CTC1: variants seen among roughly 807,000 people sequenced by gnomAD.
CTC1 encodes the protein CST complex subunit CTC1.
CTC1 carries 91 observed loss-of-function variants against 136.3 expected under a neutral mutation model. The observed-to-expected ratio is 0.67, with a 90% CI of 0.56 to 0.79. The LOEUF is 0.79. Among genes scored for constraint, CTC1 ranks in the 30% least tolerant of loss-of-function variants. The probability of loss-of-function intolerance (pLI) is 0.00; values close to 1 mark genes in which losing one functional copy is unlikely to be tolerated. For missense variants in CTC1, 1,432 were observed against 1,498.1 expected, an observed-to-expected ratio of 0.96 and a Z score of 0.73; for synonymous variants, 606 against 613.8, an observed-to-expected ratio of 0.99 and a Z score of 0.19.
chr17:8,245,560 G>A lies in CTC1; in HGVS notation c.34-2412C>T, dbSNP rs542238819. On this transcript the variant is annotated intron_variant, in intron 1 of 22. Coordinates refer to ENST00000651323, the MANE Select transcript of CTC1 (RefSeq NM_025099.6). ...TTTGCTTGGTGCACTGAATACGACTGTCTCTCAAAGTGATCCCATGGCTTC... is the reference window on the plus strand; with the variant it reads ...TTTGCTTGGTGCACTGAATACGACTATCTCTCAAAGTGATCCCATGGCTTC... Among the ~76,000 whole-genome samples the A allele has an allele frequency of 5.3e-4, 81 of 152,104 alleles. 1 individual carries two copies. Among genetic ancestry groups the A allele is most frequent in the African/African-American group, 1.8e-3 (76 of 41,490 alleles).
rs1410565854 is a variant in CTC1 at position 8,226,579 on chromosome 17, T to G, written c.*1601A>C. 2 of 151,662 alleles carry G rather than the reference T, an allele frequency of 1.3e-5. No individual in the cohort carries two copies. The highest frequency in any genetic ancestry group is 2.4e-5 in the African/African-American group (1 of 41,214). The allele number at this position is 151,662 out of a possible 1,614,324, so 9.4% of individuals were successfully genotyped here. On this transcript the variant is annotated 3_prime_UTR_variant, in exon 23 of 23. Transcript: ENST00000651323. ...TGGATCATCCCATCCTGGAGAGAAATATGGTCAGTATGCTGAAGAAAAAAA... is the reference window on the plus strand; with the variant it reads ...TGGATCATCCCATCCTGGAGAGAAAGATGGTCAGTATGCTGAAGAAAAAAA...
intron 4 of CTC1, 146 bp from the exon 5 acceptor site, chr17:8,237,665 CAAAAAAAAAAAAAAAAAAAAA>C (rs71159568): frequency 1.7e-3 from 102 of 58,308 alleles, no homozygotes; most frequent in Admixed American, 1.3e-3. Flanking sequence ...AACTACGTCT[CAAAAAAAAAAAAAAAAAAAAA>C]AAAAAAAAAA....
rs531418260 is a variant in CTC1 at position 8,229,876 on chromosome 17, G to C, written c.3011+15C>G. 1.2e-6 allele frequency: 2 copies of C among 1,611,234 alleles called. No individual in the cohort carries two copies. The highest frequency in any genetic ancestry group is 2.2e-5 in the East Asian group (1 of 44,860). ...TGAAGCCAGGAAGTTTAGGGGTTGG[G>C]GTCTGGGCACTGACCTGATGGTGGT... On this transcript the variant is annotated intron_variant, in intron 18 of 22. Transcript: ENST00000651323.
rs1480736168 is a variant in CTC1, at chr17:8,236,186, C to G, written c.949G>C (p.Glu317Gln). 25 of 1,614,090 alleles carry G rather than the reference C, an allele frequency of 1.5e-5. No homozygotes were observed. Among genetic ancestry groups the G allele is most frequent in the Middle Eastern group, 1.6e-4 (1 of 6,084 alleles). ...GGTCCTTCCAGCTCCAGTTCCAGCTCCTGCACACATTCTGGTTTCAGCAGC... is the reference window on the plus strand; with the variant it reads ...GGTCCTTCCAGCTCCAGTTCCAGCTGCTGCACACATTCTGGTTTCAGCAGC... ...LLLLKPECVQ[E>Q]LELELEGPLL... is the part of the protein sequence containing the mutation. Residue 317 changes from glutamate to glutamine, a missense_variant, in exon 6 of 23, where the codon GAG (glutamate) becomes CAG (glutamine). Coordinates refer to ENST00000651323, the MANE Select transcript of CTC1 (RefSeq NM_025099.6).
Position 8,238,201 on chromosome 17 carries a change from C to G in CTC1, c.477G>C (p.Leu159=). 6.2e-7 allele frequency: 1 copy of G among 1,611,902 alleles called. No individual in the cohort carries two copies. The highest frequency in any genetic ancestry group is 1.1e-5 in the South Asian group (1 of 90,972). ...GAGGGAGGTAACTCCAACGGGGGAA[C>G]AGAAAAAGATGGCCCAACCAAGAAA... ...LDLSWLGHLF[L]FPRWSYLPPA... is the part of the protein sequence containing the mutation. The change falls in exon 4 of 23, where the codon CTG becomes CTC. Residue 159 remains leucine, a synonymous_variant. Coordinates refer to ENST00000651323, the MANE Select transcript of CTC1 (RefSeq NM_025099.6).
chr17:8,238,993 G>A (rs1225872426), intron 2 of CTC1, among the ~76,000 whole-genome samples: 1 of 150,806 alleles, frequency 6.6e-6, no homozygotes, highest in East Asian at 2.0e-4. Flanking sequence ...TTGGGATGCT[G>A]AGGCAGAAGA....
At chr17:8,228,384 TCTC>T in intron 22 of CTC1, 65 bp from the exon 23 acceptor site, 1 of 1,607,956 alleles carries the variant, frequency 6.2e-7, no homozygotes, top group Non-Finnish European at 8.5e-7. Flanking sequence ...CACCCACCAT[TCTC>T]CTCCCTAACT....
chr17:8,247,283 C>A (rs972854084), intron 1 of CTC1, among the ~76,000 whole-genome samples: 35 of 149,414 alleles, frequency 2.3e-4, no homozygotes, highest in African/African-American at 8.2e-4. Context: ...TGTTTGCTTC[C>A]GTCCTGAAAC....
intron 1 of CTC1, among the ~76,000 whole-genome samples, chr17:8,244,018 C>A (rs1988486855): frequency 6.6e-6 from 1 of 152,136 alleles, no homozygotes; most frequent in South Asian, 2.1e-4. Flanking sequence ...TCAGTGAACC[C>A]AGATGGCGCC....
chr17:8,244,786 C>A (rs1006969042), intron 1 of CTC1, among the ~76,000 whole-genome samples: 3 of 152,158 alleles, frequency 2.0e-5, no homozygotes, highest in African/African-American at 7.2e-5. Flanking sequence ...CTCAGCCTCC[C>A]AAAGTGCCAG....
In CTC1 at chr17:8,242,531, GAGAAAAAAAA is replaced by G. The variant is rs1458349312; in HGVS notation, c.197+444_197+453del. Among the ~76,000 whole-genome samples, 170 of 79,722 alleles carry G rather than the reference GAGAAAAAAAA, an allele frequency of 2.1e-3. 1 individual carries two copies. The highest frequency in any genetic ancestry group is 8.7e-3 in the African/African-American group (160 of 18,426). The allele number at this position is 79,722 out of a possible 152,430, so 52.3% of individuals were successfully genotyped here. On this transcript the variant is annotated intron_variant, in intron 2 of 22. Coordinates refer to ENST00000651323, the MANE Select transcript of CTC1 (RefSeq NM_025099.6). The stretch of plus-strand genomic sequence containing the variant: ...ACACTTTTGGAAATGATAGTGTAGA[GAGAAAAAAAA>G]AAAAAAAAAAAAATATATATATATA...
chr17:8,238,760 T>G, intron 2 of CTC1, 131 bp from the exon 3 acceptor site: 2 of 657,792 alleles, frequency 3.0e-6, no homozygotes, highest in Admixed American at 5.6e-5. Flanking sequence ...TGAGTTTGAT[T>G]GATTAAAGGG....
At chr17:8,229,782 G>A (rs1296068084) in intron 18 of CTC1, 109 bp downstream of exon 18, 3 of 881,974 alleles carry the variant, frequency 3.4e-6, no homozygotes, top group Non-Finnish European at 5.5e-6. Flanking sequence ...AACACATCTT[G>A]TTGGGATTGG....
At chr17:8,242,546 AAAAAAAAAT>A (rs1567620131) in intron 2 of CTC1, among the ~76,000 whole-genome samples, 250 of 91,662 alleles carry the variant, frequency 2.7e-3, no homozygotes, top group African/African-American at 8.4e-3. Flanking sequence ...AAAAAAAAAA[AAAAAAAAAT>A]ATATATATAT....
In CTC1 at chr17:8,231,290, G is replaced by A. The variant is rs1439552225; in HGVS notation, c.2655C>T (p.Asp885=). ...TGGACATTTACTTGTCACTGAGCAG[G>A]TCGGTCAGTGAGGATTCAGGCAATG... is the stretch of plus-strand genomic sequence containing the variant. The part of the protein sequence containing the change: ...NKSLPESSLT[D]LLSDNFTDSL... The change falls in exon 15 of 23, where the codon GAC becomes GAT. Residue 885 remains aspartate (D), a synonymous_variant. Coordinates refer to ENST00000651323, the MANE Select transcript of CTC1 (RefSeq NM_025099.6). 6 of 1,578,000 alleles carry A rather than the reference G, an allele frequency of 3.8e-6. No homozygotes were observed. The highest frequency in any genetic ancestry group is 5.2e-6 in the Non-Finnish European group (6 of 1,156,030).
intron 2 of CTC1, among the ~76,000 whole-genome samples, chr17:8,241,841 C>A (rs1243550866): frequency 1.7e-5 from 2 of 119,008 alleles, no homozygotes; most frequent in African/African-American, 6.0e-5. Flanking sequence ...CAGAGTGAGA[C>A]CCTGTCTCAA....
chr17:8,239,049 G>A (rs1007123804), intron 2 of CTC1, among the ~76,000 whole-genome samples: 2 of 140,208 alleles, frequency 1.4e-5, no homozygotes, highest in Non-Finnish European at 3.0e-5. Flanking sequence ...CTGAGATCAC[G>A]CCACTGCACT....
chr17:8,234,636 G>A lies in CTC1; in HGVS notation c.1637C>T (p.Pro546Leu). Residue 546 changes from proline (P) to leucine (L), a missense_variant, in exon 10 of 23, where the codon CCC (proline) becomes CTC (leucine). By Grantham distance (98) the Pro-to-Leu change is moderately conservative. Transcript: ENST00000651323. ...GGTGGCCAGAGTGGGGAAGGAGGAG[G>A]GAGTCTGCAGCCGAGTGTACTGTCA... is the stretch of plus-strand genomic sequence containing the variant. ...PLQKYTRLQT[P>L]SSFPTLATLK... 6.2e-7 allele frequency: 1 copy of A among 1,612,208 alleles called. No homozygotes were observed. The highest frequency in any genetic ancestry group is 1.1e-5 in the South Asian group (1 of 90,866).
chr17:8,229,386 C>T lies in CTC1; in HGVS notation c.3072G>A (p.Gln1024=), dbSNP rs1279994496. The T allele has an allele frequency of 6.2e-7, 1 of 1,614,118 alleles. No individual in the cohort carries two copies. Among genetic ancestry groups the T allele is most frequent in the Middle Eastern group, 1.6e-4 (1 of 6,062 alleles). Residue 1024 remains glutamine, a synonymous_variant, in exon 19 of 23, where the codon CAG becomes CAA. Transcript: ENST00000651323. ...AGACGATATGGCAAGAGGCAGTGGC[C>T]TGGAATGGGGACTGACCACCCTGCA... ...ELLQGGQSPF[Q]ATASCHIVSV...
Sources: allele counts gnomAD v4.1 joint callset (sites outside exome capture counted in the v4.1 genomes callset), GRCh38; gene constraint gnomAD v4.1.1; transcripts MANE v1.5; gene names NCBI Gene and HGNC (gene_info 2026-07-23, HGNC 2026-07-21).